The following MRC1 variants were observed in gnomAD, a reference collection of about 807,000 sequenced individuals.
The protein encoded by MRC1 is macrophage mannose receptor 1.
MRC1 carries 62 observed loss-of-function variants against 102.9 expected under a neutral mutation model. That is an observed-to-expected ratio of 0.60 (90% CI 0.49 to 0.74). MRC1 has a LOEUF of 0.74. MRC1 is among the 30% of genes least tolerant of loss of function. The pLI is 0.00. For synonymous variants in MRC1, 457 were observed against 298.4 expected (o/e 1.53, Z -5.48); for missense variants, 1,237 against 862.8 (o/e 1.43, Z -5.43).
At position 17,841,400 on chromosome 10, in the gene MRC1, C is replaced by A. The variant is rs1006237814; in HGVS notation, c.916+594C>A. ...AATAACATCGGCTTAAAAATACTAT[C>A]TCAGTTACAGCTTATGATATTCCAT... On this transcript the variant is annotated intron_variant, in intron 5 of 29. Transcript: ENST00000569591. Among the ~76,000 whole-genome samples the A allele has an allele frequency of 4.6e-5, 7 of 152,262 alleles. No homozygotes were observed. In the East Asian group the frequency reaches 1.3e-3, roughly 29 times the overall value.
chr10:17,850,207 G>A (rs1448512402), intron 7 of MRC1, among the ~76,000 whole-genome samples: 3 of 145,102 alleles, frequency 2.1e-5, no homozygotes, highest in African/African-American at 7.6e-5. Flanking sequence ...TTTTTTCTTT[G>A]TGAATTTAGC....
intron 4 of MRC1, among the ~76,000 whole-genome samples, chr10:17,834,305 C>A (rs1485270941): frequency 2.6e-5 from 4 of 152,196 alleles, no homozygotes; most frequent in South Asian, 2.1e-4. Context: ...ACCCTGAGTT[C>A]TTTTAGCCTC....
chr10:17,907,038 T>C, intron 27 of MRC1, 39 bp downstream of exon 27: 2 of 778,722 alleles, frequency 2.6e-6, no homozygotes, highest in Non-Finnish European at 4.8e-6. Context: ...ACAAATATTG[T>C]AAAATGTTGT....
At chr10:17,860,342 C>A (rs1230954186) in intron 9 of MRC1, among the ~76,000 whole-genome samples, 1 of 150,122 alleles carries the variant, frequency 6.7e-6, no homozygotes, top group Admixed American at 6.7e-5. Context: ...TGTGATTGAT[C>A]ATGGCTCACT....
chr10:17,901,878 G>C (rs1589196558), intron 25 of MRC1, 95 bp from the exon 26 acceptor site: 1 of 771,688 alleles, frequency 1.3e-6, no homozygotes, highest in East Asian at 2.4e-5. Context: ...TTAAAATAAT[G>C]ATCAATGATC....
At chr10:17,874,144 T>C (rs974048324) in intron 16 of MRC1, among the ~76,000 whole-genome samples, 2 of 152,196 alleles carry the variant, frequency 1.3e-5, no homozygotes, top group Admixed American at 6.5e-5. Context: ...TAAAATAACA[T>C]GCAGTTACTC....
At chr10:17,882,013 A>G (rs1833527686) in intron 21 of MRC1, among the ~76,000 whole-genome samples, 2 of 151,886 alleles carry the variant, frequency 1.3e-5, no homozygotes, top group Non-Finnish European at 2.9e-5. Context: ...ACTATGAAGG[A>G]GGATATTCAC....
At chr10:17,896,239 G>C (rs1833753345) in intron 23 of MRC1, among the ~76,000 whole-genome samples, 2 of 152,142 alleles carry the variant, frequency 1.3e-5, no homozygotes, top group African/African-American at 2.4e-5. Flanking sequence ...TTGGAAATCA[G>C]GGAACTAATG....
At chr10:17,838,480 T>G (rs1554839611) in intron 4 of MRC1, among the ~76,000 whole-genome samples, 1 of 151,710 alleles carries the variant, frequency 6.6e-6, no homozygotes, top group Non-Finnish European at 1.5e-5. Context: ...ATATAGGAAG[T>G]GAAATTTGGC....
rs896656232 is a variant in MRC1, at chr10:17,870,952, A to G, written c.2199+17A>G. On this transcript the variant is annotated intron_variant, in intron 14 of 29. Coordinates refer to ENST00000569591, the MANE Select transcript of MRC1 (RefSeq NM_002438.4). ...GGTTCTCCTGTGAGTAATTTTACTT[A>G]CTATATAACTTTCTTACTTTATCGT... The G allele has an allele frequency of 1.2e-6, 1 of 869,182 alleles. No homozygotes were observed. The highest frequency in any genetic ancestry group is 1.7e-5 in the Admixed American group (1 of 58,930). 53.8% of individuals were successfully genotyped at this position (869,182 alleles called of 1,614,324 possible). A position where few individuals can be genotyped will look rare whatever the true frequency, so the allele number is the denominator to read the frequency against.
chr10:17,884,904 T>G (rs1833569969), intron 21 of MRC1, among the ~76,000 whole-genome samples: 1 of 152,232 alleles, frequency 6.6e-6, no homozygotes, highest in South Asian at 2.1e-4. Flanking sequence ...ATTTACAGAA[T>G]CGGGACAGCT....
rs1393202896 is a variant in MRC1, at chr10:17,910,636, A to T, written c.*171A>T. Reference sequence around the variant, plus strand: ...ATTGCTTGTTTTCTAGCCTGGCAAGATATTTTCATAAAAGAGGGATAACAA... The same window carrying T: ...ATTGCTTGTTTTCTAGCCTGGCAAGTTATTTTCATAAAAGAGGGATAACAA... On this transcript the variant is annotated 3_prime_UTR_variant, in exon 30 of 30. Coordinates refer to ENST00000569591, the MANE Select transcript of MRC1 (RefSeq NM_002438.4). The T allele has an allele frequency of 5.9e-6, 4 of 677,222 alleles. No homozygotes were observed. Among genetic ancestry groups the T allele is most frequent in the Non-Finnish European group, 1.1e-5 (4 of 376,556 alleles). The allele number at this position is 677,222 out of a possible 1,614,324, so 42.0% of individuals were successfully genotyped here. A position where few individuals can be genotyped will look rare whatever the true frequency, so the allele number is the denominator to read the frequency against.
intron 1 of MRC1, among the ~76,000 whole-genome samples, chr10:17,812,139 GTGGGC>G (rs1838232762): frequency 6.6e-6 from 1 of 152,170 alleles, no homozygotes; most frequent in African/African-American, 2.4e-5. Context: ...ATAAGTCTCT[GTGGGC>G]TGCTGCCAAC....
intron 1 of MRC1, among the ~76,000 whole-genome samples, chr10:17,813,635 A>C (rs1369319092): frequency 5.5e-5 from 8 of 144,524 alleles, no homozygotes; most frequent in African/African-American, 2.0e-4. Flanking sequence ...TAGATTTTAT[A>C]TATATAAATA....
intron 14 of MRC1, 81 bp downstream of exon 14, chr10:17,871,016 T>C: frequency 1.2e-6 from 1 of 810,346 alleles, no homozygotes; most frequent in Non-Finnish European, 2.2e-6. Context: ...TAATGCAAAC[T>C]TTTAATAAGA....
intron 23 of MRC1, among the ~76,000 whole-genome samples, chr10:17,895,427 A>G (rs1833741136): frequency 6.6e-6 from 1 of 151,990 alleles, no homozygotes; most frequent in Non-Finnish European, 1.5e-5. Flanking sequence ...TCTATTAGAA[A>G]TTTGGGATAT....
intron 2 of MRC1, among the ~76,000 whole-genome samples, chr10:17,826,890 G>A (rs1172104961): frequency 1.3e-5 from 2 of 152,188 alleles, no homozygotes; most frequent in South Asian, 2.1e-4. Flanking sequence ...ATGCCAAAAT[G>A]TCTATCCTTC....
chr10:17,896,831 A>G (rs1234368120), intron 23 of MRC1, among the ~76,000 whole-genome samples: 1 of 152,214 alleles, frequency 6.6e-6, no homozygotes, highest in Non-Finnish European at 1.5e-5. Context: ...AGTGAAGGAC[A>G]AGGCCAATGG....
chr10:17,865,945 T>C (rs1260367699), intron 11 of MRC1, among the ~76,000 whole-genome samples: 3 of 152,242 alleles, frequency 2.0e-5, no homozygotes, highest in Admixed American at 2.0e-4. Flanking sequence ...TCTATCTTAG[T>C]TAATTGCTAT....
Sources: gnomAD v4.1 joint callset for allele counts (sites outside exome capture counted in the v4.1 genomes callset) on GRCh38, gnomAD v4.1.1 for gene constraint, MANE v1.5 for transcripts, NCBI Gene and HGNC (gene_info 2026-07-23, HGNC 2026-07-21) for gene names.